Variants in KLHL32 observed in about 807,000 individuals in gnomAD.
KLHL32 encodes the protein kelch-like protein 32.
In KLHL32, 35 loss-of-function variants were observed where a neutral mutation model predicts 64.8. The ratio of observed to expected loss-of-function variants is 0.54; its 90% confidence interval spans 0.41 to 0.72. The LOEUF is 0.72. KLHL32 is among the 30% of genes least tolerant of loss of function. KLHL32 has a pLI of 0.00. For synonymous variants in KLHL32, 259 were observed against 281.0 expected (o/e 0.92, Z 0.78); for missense variants, 589 against 768.5 (o/e 0.77, Z 2.76).
intron 5 of KLHL32, among the ~76,000 whole-genome samples, chr6:97,076,701 C>T (rs1472905322): frequency 6.6e-6 from 1 of 152,184 alleles, no homozygotes; most frequent in African/African-American, 2.4e-5. Flanking sequence ...CAATGCACCT[C>T]ATGGTGCATA....
chr6:97,001,256 C>T (rs895748803), intron 3 of KLHL32, among the ~76,000 whole-genome samples: 2 of 152,074 alleles, frequency 1.3e-5, no homozygotes, highest in Non-Finnish European at 2.9e-5. Flanking sequence ...GTAGGCTGTG[C>T]TTGTGGAGGG....
intron 4 of KLHL32, among the ~76,000 whole-genome samples, chr6:97,062,078 C>CA (rs1582891973): frequency 6.6e-6 from 1 of 151,926 alleles, no homozygotes; most frequent in Non-Finnish European, 1.5e-5. Flanking sequence ...AACTACAAAA[C>CA]AAAAAATAAA....
chr6:96,932,335 C>G (rs1351408349), intron 1 of KLHL32, among the ~76,000 whole-genome samples: 4 of 151,224 alleles, frequency 2.6e-5, no homozygotes, highest in African/African-American at 9.7e-5. Flanking sequence ...AGCTTTGGGC[C>G]AAAGCTATTT....
chr6:97,123,001 G>A (rs1191400083), intron 7 of KLHL32, among the ~76,000 whole-genome samples: 1 of 152,192 alleles, frequency 6.6e-6, no homozygotes, highest in African/African-American at 2.4e-5. Context: ...TCCACCCTGC[G>A]TGTGGGGATC....
chr6:97,105,080 A>G (rs1796225165), intron 6 of KLHL32, among the ~76,000 whole-genome samples: 1 of 152,226 alleles, frequency 6.6e-6, no homozygotes, highest in Non-Finnish European at 1.5e-5. Context: ...CATTAGGGAA[A>G]CATCACATTT....
At position 97,074,600 on chromosome 6, in the gene KLHL32, A is replaced by AT. The variant is rs1791292624; in HGVS notation, c.411+9877dup. On this transcript the variant is annotated intron_variant, in intron 5 of 10. Coordinates refer to ENST00000369261, the MANE Select transcript of KLHL32 (RefSeq NM_052904.4). ...AAGACAGTCTGTAGGTAAGTGAGGGATTTAAAAAAAAAAAACAAAAAAACT... is the reference window on the plus strand; with the variant it reads ...AAGACAGTCTGTAGGTAAGTGAGGGATTTTAAAAAAAAAAAACAAAAAAACT... 3.2e-5 allele frequency among the ~76,000 whole-genome samples: 4 copies of AT among 124,324 alleles called. No individual in the cohort carries two copies. In the South Asian group the frequency reaches 8.0e-4, roughly 25 times the overall value. 81.6% of individuals were successfully genotyped at this position (124,324 alleles called of 152,430 possible). A position where few individuals can be genotyped will look rare whatever the true frequency, so the allele number is the denominator to read the frequency against.
intron 4 of KLHL32, among the ~76,000 whole-genome samples, chr6:97,058,233 C>A (rs1788330735): frequency 6.6e-6 from 1 of 152,116 alleles, no homozygotes; most frequent in Non-Finnish European, 1.5e-5. Context: ...GGGTCTTTTG[C>A]TTCTTCATAT....
chr6:97,122,628 T>C (rs563100394), intron 7 of KLHL32, among the ~76,000 whole-genome samples: 1 of 152,326 alleles, frequency 6.6e-6, no homozygotes, highest in East Asian at 1.9e-4. Flanking sequence ...GTTATAGTCT[T>C]TCAAGAACTG....
intron 3 of KLHL32, among the ~76,000 whole-genome samples, chr6:97,026,847 CTT>C (rs917747636): frequency 6.6e-6 from 1 of 152,044 alleles, no homozygotes; most frequent in African/African-American, 2.4e-5. Context: ...CTTCAACATT[CTT>C]CTAAAAAATT....
At chr6:96,903,930 A>G in the KLHL32 span, among the ~76,000 whole-genome samples, 2 of 152,214 alleles carry the variant, frequency 1.3e-5, no homozygotes, top group Non-Finnish European at 2.9e-5. Flanking sequence ...CTTTTGCAAA[A>G]TTAGCACTTC....
intron 1 of KLHL32, among the ~76,000 whole-genome samples, chr6:96,955,113 G>A (rs943364258): frequency 6.6e-6 from 1 of 152,036 alleles, no homozygotes; most frequent in Non-Finnish European, 1.5e-5. Context: ...TCATGAGTGC[G>A]CCACTGTCAT....
Position 97,137,372 on chromosome 6 carries a change from A to G in KLHL32, c.1702-1749A>G, listed in dbSNP as rs1031164236. On this transcript the variant is annotated intron_variant, in intron 10 of 10. Coordinates refer to ENST00000369261, the MANE Select transcript of KLHL32 (RefSeq NM_052904.4). ...TATGAGTGAGTTATTTTAAATTAGT[A>G]GTGACAGGGTATATTGTTCAATAAA... Among the ~76,000 whole-genome samples, 9 of 152,322 alleles carry G rather than the reference A, an allele frequency of 5.9e-5. No individual in the cohort carries two copies. In the East Asian group the frequency reaches 1.7e-3, roughly 29 times the overall value.
chr6:97,077,913 G>A (rs1413988351), intron 5 of KLHL32, among the ~76,000 whole-genome samples: 1 of 152,086 alleles, frequency 6.6e-6, no homozygotes, highest in Non-Finnish European at 1.5e-5. Flanking sequence ...AGTTTACTAG[G>A]TACATTTTTA....
intron 5 of KLHL32, among the ~76,000 whole-genome samples, chr6:97,076,552 C>T (rs1791614108): frequency 6.6e-6 from 1 of 152,142 alleles, no homozygotes; most frequent in South Asian, 2.1e-4. Flanking sequence ...CAGCTCTAAA[C>T]TAAAGACACC....
intron 3 of KLHL32, among the ~76,000 whole-genome samples, chr6:96,978,224 C>T (rs996824872): frequency 6.6e-6 from 1 of 151,996 alleles, no homozygotes; most frequent in Non-Finnish European, 1.5e-5. Flanking sequence ...GTTTGGTGTA[C>T]AGATTATTTC....
rs554655127 is a variant in KLHL32 at position 96,999,271 on chromosome 6, C to CT, written c.204+23095dup. On this transcript the variant is annotated intron_variant, in intron 3 of 10. Coordinates refer to ENST00000369261, the MANE Select transcript of KLHL32 (RefSeq NM_052904.4). ...ATTAGCTGGGCATGGTCACACGTGC[C>CT]TGTAGTCCTCGCTCCTTGGGAGGCT... 8.9e-3 allele frequency among the ~76,000 whole-genome samples: 1,360 copies of CT among 152,208 alleles called. 9 individuals carry two copies. The highest frequency in any genetic ancestry group is 0.011 in the Non-Finnish European group (738 of 68,010).
At chr6:97,088,890 C>T (rs888060985) in intron 6 of KLHL32, among the ~76,000 whole-genome samples, 3 of 152,178 alleles carry the variant, frequency 2.0e-5, no homozygotes, top group African/African-American at 7.2e-5. Context: ...CAGGAACATG[C>T]ATTTCCTGCC....
intron 7 of KLHL32, among the ~76,000 whole-genome samples, chr6:97,118,207 G>C (rs1489336989): frequency 6.6e-6 from 1 of 152,102 alleles, no homozygotes; most frequent in Non-Finnish European, 1.5e-5. Flanking sequence ...TTTATTCAAA[G>C]CTACTAACAG....
chr6:97,023,447 T>C (rs918618283), intron 3 of KLHL32, among the ~76,000 whole-genome samples: 3 of 152,272 alleles, frequency 2.0e-5, no homozygotes, highest in African/African-American at 2.4e-5. Flanking sequence ...TAAAACTAAA[T>C]ATATATTTTT....
Sources: allele counts gnomAD v4.1 joint callset (sites outside exome capture counted in the v4.1 genomes callset), GRCh38; gene constraint gnomAD v4.1.1; transcripts MANE v1.5; gene names NCBI Gene and HGNC (gene_info 2026-07-23, HGNC 2026-07-21).